SLC35F1: variants seen among roughly 807,000 people sequenced by gnomAD.
The protein encoded by SLC35F1 is chromosome 6 open reading frame 169.
A neutral mutation model predicts 48.7 loss-of-function variants in SLC35F1; 14 were observed. That is an observed-to-expected ratio of 0.29 (90% CI 0.19 to 0.45). The LOEUF (loss-of-function observed/expected upper bound fraction) is 0.45. Ranked by LOEUF, SLC35F1 falls within the 20% of genes least tolerant of loss-of-function variation. The probability of loss-of-function intolerance (pLI) is 1.00; values close to 1 mark genes in which losing one functional copy is unlikely to be tolerated. For missense variants in SLC35F1, 404 were observed against 500.0 expected (o/e 0.81, Z 1.83); for synonymous variants, 190 against 202.2 (o/e 0.94, Z 0.51).
chr6:118,217,086 A>G (rs1436181624), intron 2 of SLC35F1, among the ~76,000 whole-genome samples: 1 of 152,186 alleles, frequency 6.6e-6, no homozygotes, highest in Non-Finnish European at 1.5e-5. Context: ...TTGACTTCAC[A>G]TGATTTATTT....
intron 2 of SLC35F1, among the ~76,000 whole-genome samples, chr6:118,212,610 A>T (rs1199465709): frequency 6.6e-6 from 1 of 151,740 alleles, no homozygotes; most frequent in African/African-American, 2.4e-5. Flanking sequence ...GAATCGCTTG[A>T]CCCTGGGAGG....
chr6:117,924,482 A>G (rs62432059), intron 1 of SLC35F1, among the ~76,000 whole-genome samples: 7 of 16,830 alleles, frequency 4.2e-4, no homozygotes, highest in South Asian at 0.012. Flanking sequence ...ACATATGTAT[A>G]TACGTATATA....
At chr6:118,128,943 C>T (rs1773670178) in intron 1 of SLC35F1, among the ~76,000 whole-genome samples, 1 of 152,116 alleles carries the variant, frequency 6.6e-6, no homozygotes, top group African/African-American at 2.4e-5. Context: ...CATGAAAATA[C>T]ATGACTAAGC....
chr6:118,228,621 G>C (rs1360575183), intron 2 of SLC35F1, among the ~76,000 whole-genome samples: 1 of 152,070 alleles, frequency 6.6e-6, no homozygotes, highest in Non-Finnish European at 1.5e-5. Flanking sequence ...TTGATCCTGG[G>C]AGGGCAAGGC....
At chr6:118,231,533 G>T (rs865871826) in intron 2 of SLC35F1, among the ~76,000 whole-genome samples, 1 of 152,164 alleles carries the variant, frequency 6.6e-6, no homozygotes, top group African/African-American at 2.4e-5. Flanking sequence ...TGCATTTTTT[G>T]CTTAGCCAAA....
At chr6:118,062,371 T>A (rs1562278333) in intron 1 of SLC35F1, among the ~76,000 whole-genome samples, 2 of 152,326 alleles carry the variant, frequency 1.3e-5, no homozygotes, top group Non-Finnish European at 2.9e-5. Context: ...TTTGATTTTT[T>A]AAAATTTTGT....
chr6:117,932,463 C>T (rs1289374708), intron 1 of SLC35F1, among the ~76,000 whole-genome samples: 1 of 152,146 alleles, frequency 6.6e-6, no homozygotes, highest in Non-Finnish European at 1.5e-5. Flanking sequence ...AACCATCATA[C>T]TATAACGACA....
chr6:118,004,111 CA>C (rs1285309109), intron 1 of SLC35F1, among the ~76,000 whole-genome samples: 1 of 152,112 alleles, frequency 6.6e-6, no homozygotes, highest in Non-Finnish European at 1.5e-5. Flanking sequence ...TTTGCAAATT[CA>C]GTAATTAATC....
At chr6:118,263,899 T>G (rs1775741461) in intron 3 of SLC35F1, among the ~76,000 whole-genome samples, 1 of 152,186 alleles carries the variant, frequency 6.6e-6, no homozygotes, top group South Asian at 2.1e-4. Context: ...TGCCAAACAG[T>G]TTCTCTTCAA....
chr6:118,175,678 T>C (rs1774477193), intron 2 of SLC35F1, among the ~76,000 whole-genome samples: 1 of 152,098 alleles, frequency 6.6e-6, no homozygotes, highest in African/African-American at 2.4e-5. Context: ...CAGGCATACA[T>C]GGGAACACTT....
chr6:118,255,109 T>C (rs777810716), intron 3 of SLC35F1, among the ~76,000 whole-genome samples: 48 of 152,294 alleles, frequency 3.2e-4, no homozygotes, highest in African/African-American at 1.0e-3. Context: ...CTAGACAACT[T>C]TGATGACTGG....
At chr6:118,072,124 G>T (rs1237749260) in intron 1 of SLC35F1, among the ~76,000 whole-genome samples, 1 of 151,856 alleles carries the variant, frequency 6.6e-6, no homozygotes, top group Non-Finnish European at 1.5e-5. Context: ...TTTTTATTTT[G>T]AGAGACTTCC....
chr6:117,980,284 C>A (rs1182986614), intron 1 of SLC35F1, among the ~76,000 whole-genome samples: 1 of 152,108 alleles, frequency 6.6e-6, no homozygotes, highest in East Asian at 1.9e-4. Flanking sequence ...TTCCAGGATG[C>A]ACATCATTAA....
chr6:117,997,398 C>T lies in SLC35F1; in HGVS notation c.173+89499C>T, dbSNP rs567393765. Among the ~76,000 whole-genome samples, 1,271 of 152,154 alleles carry T rather than the reference C, an allele frequency of 8.4e-3. 21 individuals carry two copies. The highest frequency in any genetic ancestry group is 0.029 in the African/African-American group (1,208 of 41,520). On this transcript the variant is annotated intron_variant, in intron 1 of 7. Coordinates refer to ENST00000360388, the MANE Select transcript of SLC35F1 (RefSeq NM_001029858.4). ...TCCCCCATCTAGCAAGGCAGGCCAA[C>T]ATTCAGATTCAGGAAATACAGAGAA...
chr6:118,227,192 G>A (rs1775229839), intron 2 of SLC35F1, among the ~76,000 whole-genome samples: 2 of 152,148 alleles, frequency 1.3e-5, no homozygotes, highest in Non-Finnish European at 2.9e-5. Context: ...CTGGAAACAT[G>A]GCAGCCCTGA....
chr6:118,186,798 C>A (rs937321921), intron 2 of SLC35F1, among the ~76,000 whole-genome samples: 1 of 152,090 alleles, frequency 6.6e-6, no homozygotes, highest in Non-Finnish European at 1.5e-5. Flanking sequence ...CTCAGAGAAC[C>A]CCACAATGCA....
chr6:118,302,062 G>T (rs1400054233), intron 7 of SLC35F1, among the ~76,000 whole-genome samples: 1 of 151,878 alleles, frequency 6.6e-6, no homozygotes, highest in Non-Finnish European at 1.5e-5. Context: ...TTTAAGTGAA[G>T]TGTCTGCCCC....
intron 1 of SLC35F1, among the ~76,000 whole-genome samples, chr6:118,115,024 G>A (rs1773458086): frequency 6.6e-6 from 1 of 152,144 alleles, no homozygotes; most frequent in Non-Finnish European, 1.5e-5. Context: ...CAATTAAGGA[G>A]GCTAGCCTTG....
intron 6 of SLC35F1, among the ~76,000 whole-genome samples, chr6:118,279,886 T>A (rs1387326969): frequency 1.3e-5 from 2 of 152,232 alleles, no homozygotes; most frequent in East Asian, 3.8e-4. Flanking sequence ...TAACCTCATA[T>A]AATCTCTTGG....
Sources: gnomAD v4.1 joint callset for allele counts (sites outside exome capture counted in the v4.1 genomes callset) on GRCh38, gnomAD v4.1.1 for gene constraint, MANE v1.5 for transcripts, NCBI Gene and HGNC (gene_info 2026-07-23, HGNC 2026-07-21) for gene names.